Variants in TANC1 observed in about 807,000 individuals in gnomAD.
The protein encoded by TANC1 is protein TANC1.
In TANC1, 77 loss-of-function variants were observed where a neutral mutation model predicts 149.7. The observed-to-expected ratio is 0.51, with a 90% CI of 0.43 to 0.62. TANC1 has a LOEUF of 0.62. Ranked by LOEUF, TANC1 falls within the 20% of genes least tolerant of loss-of-function variation. TANC1 has a pLI of 0.00. For missense variants in TANC1, 1,985 were observed against 2,321.8 expected (o/e 0.85, Z 2.98); for synonymous variants, 854 against 925.0 (o/e 0.92, Z 1.39).
At chr2:159,188,323 T>C (rs2057172190) in intron 16 of TANC1, among the ~76,000 whole-genome samples, 1 of 152,234 alleles carries the variant, frequency 6.6e-6, no homozygotes, top group Non-Finnish European at 1.5e-5. Flanking sequence ...GCCACTTTGG[T>C]AAATTAAAGT....
intron 4 of TANC1, among the ~76,000 whole-genome samples, chr2:159,107,955 G>A (rs2047352658): frequency 6.6e-6 from 1 of 152,110 alleles, no homozygotes; most frequent in African/African-American, 2.4e-5. Flanking sequence ...ATTCCCCCTT[G>A]GGAGCACTGA....
At chr2:159,134,317 A>G (rs2050423331) in intron 4 of TANC1, among the ~76,000 whole-genome samples, 2 of 152,058 alleles carry the variant, frequency 1.3e-5, no homozygotes, top group South Asian at 2.1e-4. Context: ...TATTTTCTTT[A>G]TTTTTGAGAC....
chr2:159,099,474 C>G (rs2046449904), intron 4 of TANC1, among the ~76,000 whole-genome samples: 1 of 151,576 alleles, frequency 6.6e-6, no homozygotes, highest in South Asian at 2.1e-4. Flanking sequence ...GTCCTTTTCC[C>G]CTGAATTAGT....
intron 5 of TANC1, among the ~76,000 whole-genome samples, chr2:159,139,070 T>C (rs2051085224): frequency 2.0e-5 from 3 of 152,158 alleles, no homozygotes; most frequent in African/African-American, 7.2e-5. Context: ...AAATAACTTG[T>C]TTCTTAAAGC....
In TANC1 at chr2:159,072,281, C is replaced by T. The variant is rs184471832; in HGVS notation, c.61+6310C>T. ...ACAGGCGTGAGCCACTGTGCCCAGC[C>T]TGATTTTTAATAGGAGCAGGAATGC... On this transcript the variant is annotated intron_variant, in intron 3 of 26. Coordinates refer to ENST00000263635, the MANE Select transcript of TANC1 (RefSeq NM_033394.3). 1.6e-3 allele frequency among the ~76,000 whole-genome samples: 238 copies of T among 152,278 alleles called. 2 individuals are homozygous for T. Among genetic ancestry groups the T allele is most frequent in the African/African-American group, 5.5e-3 (229 of 41,560 alleles).
intron 1 of TANC1, among the ~76,000 whole-genome samples, chr2:158,979,904 A>G (rs1007052996): frequency 6.6e-6 from 1 of 152,240 alleles, no homozygotes; most frequent in Non-Finnish European, 1.5e-5. Context: ...AAACATATTT[A>G]TAGATGCAAA....
At chr2:159,071,350 A>G (rs1478618508) in intron 3 of TANC1, among the ~76,000 whole-genome samples, 2 of 152,106 alleles carry the variant, frequency 1.3e-5, no homozygotes, top group East Asian at 3.8e-4. Flanking sequence ...TTTGTGCTTT[A>G]TTTTTCCCCA....
chr2:159,103,912 T>A lies in TANC1; in HGVS notation c.259+6078T>A, dbSNP rs79591051. Reference sequence around the variant, plus strand: ...GTAAATAATGTGAGTGTGTTCTGATTTCATAGAAGGTGTGGGCAGGAGGAG... The same window carrying A: ...GTAAATAATGTGAGTGTGTTCTGATATCATAGAAGGTGTGGGCAGGAGGAG... On this transcript the variant is annotated intron_variant, in intron 4 of 26. Coordinates refer to ENST00000263635, the MANE Select transcript of TANC1 (RefSeq NM_033394.3). 7.7e-4 allele frequency among the ~76,000 whole-genome samples: 74 copies of A among 96,348 alleles called. 17 individuals are homozygous for A. In the East Asian group the frequency reaches 0.016, roughly 21 times the overall value. 63.2% of individuals were successfully genotyped at this position (96,348 alleles called of 152,430 possible).
rs79830363 is a variant in TANC1, at chr2:159,025,697, C to A, written c.-16+24508C>A. ...GGATACATGGGGCTTTACTATAATA[C>A]CATATTTTTATTTATTTCTTTGAAA... is the stretch of plus-strand genomic sequence containing the variant. On this transcript the variant is annotated intron_variant, in intron 2 of 26. Transcript: ENST00000263635. 8.5e-5 allele frequency among the ~76,000 whole-genome samples: 13 copies of A among 152,126 alleles called. No individual in the cohort carries two copies. The East Asian group carries it at 1.5e-3, about 18-fold the overall frequency.
chr2:159,214,335 C>T (rs1173687447), intron 19 of TANC1, among the ~76,000 whole-genome samples: 1 of 152,186 alleles, frequency 6.6e-6, no homozygotes, highest in Non-Finnish European at 1.5e-5. Context: ...AGCTCACAGA[C>T]CTTGAGGATT....
intron 7 of TANC1, among the ~76,000 whole-genome samples, chr2:159,160,366 A>G (rs2053921775): frequency 6.6e-6 from 1 of 152,120 alleles, no homozygotes; most frequent in Non-Finnish European, 1.5e-5. Flanking sequence ...CACAGTTAAG[A>G]TGCTGCCCTT....
At chr2:159,016,910 C>T (rs1488504271) in intron 2 of TANC1, among the ~76,000 whole-genome samples, 1 of 152,166 alleles carries the variant, frequency 6.6e-6, no homozygotes, top group Non-Finnish European at 1.5e-5. Context: ...GAAATATCTA[C>T]TCCTCTTCTT....
At chr2:159,104,444 T>A (rs2046972924) in intron 4 of TANC1, among the ~76,000 whole-genome samples, 1 of 96,362 alleles carries the variant, frequency 1.0e-5, no homozygotes, top group South Asian at 3.5e-4. Context: ...TTGGGATTTT[T>A]AAAAAGGCTT....
chr2:159,035,512 A>G lies in TANC1; in HGVS notation c.-15-30384A>G, dbSNP rs144491101. ...TCTAAAATTTATTCTGAAGAACAACAACAAAAATCTCAAGGCATAGTTTCT... is the reference window on the plus strand; with the variant it reads ...TCTAAAATTTATTCTGAAGAACAACGACAAAAATCTCAAGGCATAGTTTCT... On this transcript the variant is annotated intron_variant, in intron 2 of 26. Transcript: ENST00000263635. Among the ~76,000 whole-genome samples the G allele has an allele frequency of 2.6e-3, 395 of 152,328 alleles. 7 individuals carry two copies. The East Asian group carries it at 0.035, about 13-fold the overall frequency.
chr2:159,001,151 G>T lies in TANC1; in HGVS notation c.-54G>T, dbSNP rs1171788599. On this transcript the variant is annotated 5_prime_UTR_variant, in exon 2 of 27. Transcript: ENST00000263635. The surrounding 1 kb of genome is among the most constrained non-coding windows in gnomAD (Gnocchi z 4.3). ...AGAAAATTGTGAACTAAGGCCCCCT[G>T]CCCCCTTTTCCTGGTGCATGTGAAG... 1 of 152,618 alleles carries T rather than the reference G, an allele frequency of 6.6e-6. No individual in the cohort carries two copies. The highest frequency in any genetic ancestry group is 1.5e-5 in the Non-Finnish European group (1 of 68,388). The allele number at this position is 152,618 out of a possible 1,614,324, so 9.5% of individuals were successfully genotyped here.
chr2:158,983,864 A>G (rs1485420637), intron 1 of TANC1, among the ~76,000 whole-genome samples: 2 of 152,176 alleles, frequency 1.3e-5, no homozygotes, highest in East Asian at 3.8e-4. Flanking sequence ...GCGAAGGTGG[A>G]ATTAATATAT....
intron 2 of TANC1, among the ~76,000 whole-genome samples, chr2:159,050,577 A>C (rs1432724196): frequency 6.6e-6 from 1 of 152,216 alleles, no homozygotes; most frequent in Non-Finnish European, 1.5e-5. Flanking sequence ...ATGAGGTGTT[A>C]AGAGCTAAGG....
Position 159,230,021 on chromosome 2 carries a change from A to T in TANC1, c.4595A>T (p.Gln1532Leu), listed in dbSNP as rs780478086. ...CTCCTGCAGCCCTCCAAGCAGGCCC[A>T]GATCGTGAAAACCAGCCAGCACCTG... ...GLLLQPSKQA[Q>L]IVKTSQHLGS... Residue 1532 changes from glutamine to leucine, a missense_variant, in exon 27 of 27, where the codon CAG becomes CTG. This residue lies in a region of TANC1 where 920 missense variants were observed against 994.7 expected (regional missense o/e 0.92). Coordinates refer to ENST00000263635, the MANE Select transcript of TANC1 (RefSeq NM_033394.3). The surrounding 1 kb of genome is among the most constrained non-coding windows in gnomAD (Gnocchi z 4.4). 2 of 1,614,070 alleles carry T rather than the reference A, an allele frequency of 1.2e-6. No individual in the cohort carries two copies. Among genetic ancestry groups the T allele is most frequent in the East Asian group, 4.5e-5 (2 of 44,876 alleles).
chr2:159,203,942 G>A (rs1357427717), intron 19 of TANC1, among the ~76,000 whole-genome samples: 2 of 152,162 alleles, frequency 1.3e-5, no homozygotes, highest in African/African-American at 2.4e-5. Flanking sequence ...TATGGCAACC[G>A]TCCGTTCTAG....
Sources: gnomAD v4.1 joint callset for allele counts (sites outside exome capture counted in the v4.1 genomes callset) on GRCh38, gnomAD v4.1.1 for gene constraint, gnomAD v4.1.1 regional missense constraint, Gnocchi (gnomAD v3.1) non-coding constraint, MANE v1.5 for transcripts, NCBI Gene and HGNC (gene_info 2026-07-23, HGNC 2026-07-21) for gene names.